Variants in SAMMSON observed in about 807,000 individuals in gnomAD.
The protein encoded by SAMMSON is survival associated mitochondrial melanoma specific oncogenic non-coding RNA.
chr3:70,376,385 G>T (rs954674284), intron 9 of SAMMSON, among the ~76,000 whole-genome samples: 1 of 152,118 alleles, frequency 6.6e-6, no homozygotes, highest in African/African-American at 2.4e-5. Context: ...TACACTAATT[G>T]CTATTACTTC....
At chr3:70,215,010 CAA>C in intron 4 of SAMMSON, among the ~76,000 whole-genome samples, 1 of 152,116 alleles carries the variant, frequency 6.6e-6, no homozygotes, top group East Asian at 1.9e-4. Flanking sequence ...CATATACAGT[CAA>C]TTTTTTTACT....
chr3:70,010,502 G>A (rs951896883), intron 1 of SAMMSON, among the ~76,000 whole-genome samples: 1 of 151,868 alleles, frequency 6.6e-6, no homozygotes, highest in African/African-American at 2.4e-5. Flanking sequence ...CCAAACCTTC[G>A]CCATAGCACC....
At chr3:70,131,501 C>A (rs1031955620) in intron 4 of SAMMSON, among the ~76,000 whole-genome samples, 1 of 152,138 alleles carries the variant, frequency 6.6e-6, no homozygotes, top group African/African-American at 2.4e-5. Context: ...TGGGAAGTTG[C>A]CTTCATGTCC....
chr3:70,262,055 T>C (rs546981718), intron 6 of SAMMSON, among the ~76,000 whole-genome samples: 30 of 152,184 alleles, frequency 2.0e-4, no homozygotes, highest in Non-Finnish European at 4.1e-4. Context: ...TCATGTGTCC[T>C]TGCTGGTCAA....
intron 3 of SAMMSON, among the ~76,000 whole-genome samples, chr3:70,041,309 G>A (rs1317232054): frequency 1.3e-5 from 2 of 152,114 alleles, no homozygotes; most frequent in African/African-American, 4.8e-5. Flanking sequence ...TAAAGGGCAA[G>A]TGTGATAGGA....
intron 4 of SAMMSON, among the ~76,000 whole-genome samples, chr3:70,178,105 G>A (rs753319326): frequency 4.7e-4 from 71 of 152,202 alleles, no homozygotes; most frequent in Middle Eastern, 3.4e-3. Flanking sequence ...GCAGTTGCTG[G>A]GGATGTATAT....
chr3:70,328,947 A>G (rs944732223), intron 7 of SAMMSON, among the ~76,000 whole-genome samples: 3 of 152,176 alleles, frequency 2.0e-5, no homozygotes, highest in Non-Finnish European at 2.9e-5. Context: ...CATTACACAG[A>G]ATAAAAAAGA....
At chr3:70,353,249 C>G (rs1463232744) in intron 7 of SAMMSON, among the ~76,000 whole-genome samples, 6 of 151,792 alleles carry the variant, frequency 4.0e-5, no homozygotes, top group East Asian at 1.9e-4. Flanking sequence ...AAACTTTTCT[C>G]TATAAAAGAA....
At chr3:70,076,187 C>G (rs915185755) in intron 4 of SAMMSON, among the ~76,000 whole-genome samples, 3 of 151,880 alleles carry the variant, frequency 2.0e-5, no homozygotes, top group African/African-American at 7.3e-5. Flanking sequence ...GATTTAATAA[C>G]CTGTTTATGT....
At chr3:70,073,272 G>T (rs979950486) in intron 4 of SAMMSON, among the ~76,000 whole-genome samples, 1 of 151,998 alleles carries the variant, frequency 6.6e-6, no homozygotes, top group African/African-American at 2.4e-5. Context: ...ATAGTCTTAG[G>T]TGTTGGCACA....
chr3:70,200,322 C>G (rs1208905521), intron 4 of SAMMSON, among the ~76,000 whole-genome samples: 1 of 152,204 alleles, frequency 6.6e-6, no homozygotes, highest in Non-Finnish European at 1.5e-5. Flanking sequence ...AGTGCCAAAT[C>G]CTTGCCTTAG....
chr3:70,240,351 C>T (rs1420837605), intron 4 of SAMMSON, among the ~76,000 whole-genome samples: 52 of 150,710 alleles, frequency 3.5e-4, no homozygotes, highest in Non-Finnish European at 1.2e-4. Flanking sequence ...TTTTTTTAAT[C>T]TCTCCACTTG....
chr3:70,172,011 A>G, intron 4 of SAMMSON, among the ~76,000 whole-genome samples: 1 of 151,962 alleles, frequency 6.6e-6, no homozygotes, highest in East Asian at 1.9e-4. Context: ...GTCTCTGGAA[A>G]GTAACCTGAA....
At chr3:70,149,082 A>T (rs565280241) in intron 4 of SAMMSON, among the ~76,000 whole-genome samples, 5 of 152,234 alleles carry the variant, frequency 3.3e-5, no homozygotes, top group African/African-American at 1.2e-4. Flanking sequence ...AGCTTGATCT[A>T]TCAGGCTAGT....
chr3:70,281,576 C>G (rs887931794), intron 6 of SAMMSON, among the ~76,000 whole-genome samples: 2 of 151,992 alleles, frequency 1.3e-5, no homozygotes, highest in Admixed American at 1.3e-4. Flanking sequence ...TCAAAACAAA[C>G]AAACAAATTG....
chr3:70,060,993 G>C (rs190132589), intron 3 of SAMMSON, among the ~76,000 whole-genome samples: 1 of 152,026 alleles, frequency 6.6e-6, no homozygotes, highest in Non-Finnish European at 1.5e-5. Context: ...ATTGGAAGTC[G>C]TGAGAGCTTA....
At chr3:70,361,986 A>G (rs1052420640) in intron 9 of SAMMSON, among the ~76,000 whole-genome samples, 4 of 152,274 alleles carry the variant, frequency 2.6e-5, no homozygotes, top group Non-Finnish European at 5.9e-5. Context: ...ATTTTAATGT[A>G]CCTATTATGC....
intron 6 of SAMMSON, among the ~76,000 whole-genome samples, chr3:70,278,622 A>G (rs933072362): frequency 6.6e-6 from 1 of 152,188 alleles, no homozygotes; most frequent in African/African-American, 2.4e-5. Flanking sequence ...CTACTTGCAC[A>G]GAAAATATAC....
chr3:70,310,157 C>G lies in SAMMSON; in HGVS notation n.739+18914C>G, dbSNP rs143307803. ...TTTTAAAGGATTCTATTTAAAAGAC[C>G]TTTTCAAAAAAAGAAGTTAGAGAAT... On this transcript the variant is annotated intron_variant and non_coding_transcript_variant, in intron 7 of 9. Coordinates refer to ENST00000642114, the Ensembl canonical transcript of SAMMSON. 3.0e-3 allele frequency among the ~76,000 whole-genome samples: 455 copies of G among 151,694 alleles called. 3 individuals carry two copies. The highest frequency in any genetic ancestry group is 0.01 in the African/African-American group (432 of 41,390).
Sources: gnomAD v4.1 joint callset for allele counts (sites outside exome capture counted in the v4.1 genomes callset) on GRCh38, gnomAD v4.1.1 for gene constraint, MANE v1.5 for transcripts, NCBI Gene and HGNC (gene_info 2026-07-23, HGNC 2026-07-21) for gene names.